ZNF804B: variants seen among roughly 807,000 people sequenced by gnomAD.
The protein encoded by ZNF804B is zinc finger 804B.
In ZNF804B, 80 loss-of-function variants were observed where a neutral mutation model predicts 101.4. The ratio of observed to expected loss-of-function variants is 0.79; its 90% CI spans 0.66 to 0.95. The LOEUF is 0.95. Ranked by LOEUF, ZNF804B falls within the 40% of genes least tolerant of loss-of-function variation. The pLI, the probability that ZNF804B is intolerant of heterozygous loss-of-function variation, is 0.00. For synonymous variants in ZNF804B, 622 were observed against 558.8 expected (o/e 1.11, Z -1.59); for missense variants, 1,673 against 1,561.9 (o/e 1.07, Z -1.20).
At chr7:89,250,871 C>T (rs1299277365) in intron 2 of ZNF804B, among the ~76,000 whole-genome samples, 1 of 152,194 alleles carries the variant, frequency 6.6e-6, no homozygotes, top group African/African-American at 2.4e-5. Context: ...TGAGAAAAAG[C>T]TTTTGACAAA....
At chr7:88,902,566 G>A (rs1465358582) in intron 1 of ZNF804B, among the ~76,000 whole-genome samples, 1 of 151,898 alleles carries the variant, frequency 6.6e-6, no homozygotes, top group African/African-American at 2.4e-5. Flanking sequence ...GCATTTTTAT[G>A]TTAAGCAAAA....
chr7:89,283,442 CT>C (rs1181847300), intron 2 of ZNF804B, among the ~76,000 whole-genome samples: 1 of 152,076 alleles, frequency 6.6e-6, no homozygotes, highest in East Asian at 1.9e-4. Context: ...CTATATCTTG[CT>C]TTGTGTTTCT....
chr7:88,776,360 T>C (rs370921558), intron 1 of ZNF804B, among the ~76,000 whole-genome samples: 45 of 152,294 alleles, frequency 3.0e-4, no homozygotes, highest in East Asian at 1.7e-3. Flanking sequence ...TATACTGTAG[T>C]TGGTTTTTAT....
intron 2 of ZNF804B, among the ~76,000 whole-genome samples, chr7:89,241,157 T>TA (rs1463840449): frequency 6.6e-6 from 1 of 152,118 alleles, no homozygotes; most frequent in Non-Finnish European, 1.5e-5. Context: ...GTAGAAGAGA[T>TA]ATGAGGCTGG....
intron 2 of ZNF804B, among the ~76,000 whole-genome samples, chr7:89,265,296 G>GCA (rs1789774497): frequency 9.3e-5 from 9 of 96,328 alleles, no homozygotes; most frequent in Non-Finnish European, 1.4e-4. Context: ...GTGTGTGTGC[G>GCA]CGTGCGCGCG....
intron 1 of ZNF804B, among the ~76,000 whole-genome samples, chr7:89,036,654 G>C (rs145031646): frequency 6.6e-6 from 1 of 152,082 alleles, no homozygotes; most frequent in Non-Finnish European, 1.5e-5. Context: ...TTAGAAAAGA[G>C]TTTTTCATGA....
At chr7:89,273,853 G>A (rs1459040546) in intron 2 of ZNF804B, among the ~76,000 whole-genome samples, 3 of 152,050 alleles carry the variant, frequency 2.0e-5, no homozygotes, top group Non-Finnish European at 2.9e-5. Flanking sequence ...TCTAAATAAC[G>A]ATAAAATGAG....
intron 1 of ZNF804B, among the ~76,000 whole-genome samples, chr7:89,139,718 G>A (rs2214343): frequency 0.87 from 132,673 of 152,048 alleles, 58,032 homozygotes; most frequent in African/African-American, 0.95. Flanking sequence ...TTCAGGCTCC[G>A]CTTGTAGTTC....
intron 1 of ZNF804B, among the ~76,000 whole-genome samples, chr7:89,004,367 A>G (rs1788339620): frequency 6.6e-6 from 1 of 151,918 alleles, no homozygotes; most frequent in East Asian, 1.9e-4. Context: ...ATTCATATAA[A>G]GTATGATCAT....
chr7:89,065,702 G>A (rs1471730407), intron 1 of ZNF804B, among the ~76,000 whole-genome samples: 2 of 152,058 alleles, frequency 1.3e-5, no homozygotes, highest in African/African-American at 4.8e-5. Flanking sequence ...GTTGGGGAGG[G>A]GTTTTTGTTT....
At chr7:88,894,378 A>G (rs1792256435) in intron 1 of ZNF804B, among the ~76,000 whole-genome samples, 1 of 151,934 alleles carries the variant, frequency 6.6e-6, no homozygotes, top group Non-Finnish European at 1.5e-5. Context: ...ATGCCCAACT[A>G]ACTTTGTATT....
intron 1 of ZNF804B, among the ~76,000 whole-genome samples, chr7:88,792,382 A>G (rs1044265847): frequency 1.3e-5 from 2 of 152,170 alleles, no homozygotes; most frequent in African/African-American, 4.8e-5. Context: ...TCTATTCACT[A>G]GATAACTTTA....
At chr7:88,958,426 A>G (rs1793343829) in intron 1 of ZNF804B, among the ~76,000 whole-genome samples, 1 of 151,384 alleles carries the variant, frequency 6.6e-6, no homozygotes, top group Non-Finnish European at 1.5e-5. Flanking sequence ...CATGTATCTT[A>G]TTTTATTTAT....
intron 1 of ZNF804B, among the ~76,000 whole-genome samples, chr7:88,831,211 A>C (rs568233740): frequency 1.3e-5 from 2 of 151,914 alleles, no homozygotes; most frequent in Non-Finnish European, 2.9e-5. Flanking sequence ...AGTCATTAGC[A>C]GTCACTATTT....
At chr7:88,899,297 A>G (rs533400296) in intron 1 of ZNF804B, among the ~76,000 whole-genome samples, 2 of 152,348 alleles carry the variant, frequency 1.3e-5, no homozygotes, top group Admixed American at 6.5e-5. Flanking sequence ...GATCCTATCA[A>G]AACTTTCTGG....
At chr7:88,942,420 GA>G (rs561334989) in intron 1 of ZNF804B, among the ~76,000 whole-genome samples, 22 of 151,708 alleles carry the variant, frequency 1.5e-4, no homozygotes, top group Admixed American at 1.3e-3. Context: ...TATAAATGAG[GA>G]GAGTGAATGA....
At chr7:88,789,805 A>G (rs1203992054) in intron 1 of ZNF804B, among the ~76,000 whole-genome samples, 1 of 152,096 alleles carries the variant, frequency 6.6e-6, no homozygotes, top group Non-Finnish European at 1.5e-5. Context: ...AACTTAATTG[A>G]AATGTGGTTT....
At chr7:88,838,546 G>A (rs1004358094) in intron 1 of ZNF804B, among the ~76,000 whole-genome samples, 1 of 151,890 alleles carries the variant, frequency 6.6e-6, no homozygotes, top group Non-Finnish European at 1.5e-5. Flanking sequence ...TATTTTTAAA[G>A]CTCAAAATAG....
intron 2 of ZNF804B, among the ~76,000 whole-genome samples, chr7:89,268,739 A>C (rs2115832193): frequency 6.6e-6 from 1 of 152,180 alleles, no homozygotes; most frequent in Middle Eastern, 3.4e-3. Context: ...GATCTGGGGC[A>C]AGAGATTCAC....
Sources: gnomAD v4.1 joint callset for allele counts (sites outside exome capture counted in the v4.1 genomes callset) on GRCh38, gnomAD v4.1.1 for gene constraint, MANE v1.5 for transcripts, NCBI Gene and HGNC (gene_info 2026-07-23, HGNC 2026-07-21) for gene names.